FSTL4: variants seen among roughly 807,000 people sequenced by gnomAD.
The protein encoded by FSTL4 is follistatin-related protein 4.
FSTL4 carries 28 observed loss-of-function variants against 78.2 expected under a neutral mutation model. The ratio of observed to expected loss-of-function variants is 0.36; its 90% CI spans 0.27 to 0.49. The LOEUF (loss-of-function observed/expected upper bound fraction) is 0.49, where lower values mean the gene tolerates loss of function less well. Ranked by LOEUF, FSTL4 falls within the 20% of genes least tolerant of loss-of-function variation. The pLI is 0.98. For missense variants in FSTL4, 922 were observed against 1,084.9 expected, an observed-to-expected ratio of 0.85 and a Z score of 2.11; for synonymous variants, 422 against 440.5, an observed-to-expected ratio of 0.96 and a Z score of 0.53.
intron 7 of FSTL4, among the ~76,000 whole-genome samples, chr5:133,242,484 G>A (rs1751903558): frequency 6.6e-6 from 1 of 152,132 alleles, no homozygotes; most frequent in African/African-American, 2.4e-5. Context: ...CCTTGGAGAT[G>A]GGGCCGGAAG....
intron 15 of FSTL4, among the ~76,000 whole-genome samples, chr5:133,201,478 T>G (rs1294717413): frequency 1.3e-5 from 2 of 152,180 alleles, no homozygotes; most frequent in Non-Finnish European, 2.9e-5. Flanking sequence ...AAACAAGACT[T>G]GGCTTTACAT....
At chr5:133,232,370 A>G (rs1163402874) in intron 8 of FSTL4, among the ~76,000 whole-genome samples, 1 of 152,210 alleles carries the variant, frequency 6.6e-6, no homozygotes, top group African/African-American at 2.4e-5. Flanking sequence ...TCCAGGGAGA[A>G]GCAGCCTATA....
At chr5:133,512,672 T>C (rs1180939366) in intron 3 of FSTL4, among the ~76,000 whole-genome samples, 2 of 152,210 alleles carry the variant, frequency 1.3e-5, no homozygotes, top group Admixed American at 1.3e-4. Context: ...GATAAATGTG[T>C]ACCTTCACAC....
the FSTL4 span, among the ~76,000 whole-genome samples, chr5:133,788,196 T>C: frequency 2.0e-5 from 3 of 152,102 alleles, no homozygotes; most frequent in African/African-American, 7.2e-5. Flanking sequence ...GATGGGGAGA[T>C]CAGAAGCACG....
At chr5:133,399,871 C>T (rs1023767009) in intron 4 of FSTL4, among the ~76,000 whole-genome samples, 5 of 152,212 alleles carry the variant, frequency 3.3e-5, no homozygotes, top group African/African-American at 1.2e-4. Flanking sequence ...CTACACACTT[C>T]CTAATTCATG....
the FSTL4 span, among the ~76,000 whole-genome samples, chr5:133,810,284 G>A: frequency 6.6e-6 from 1 of 152,212 alleles, no homozygotes; most frequent in Non-Finnish European, 1.5e-5. Flanking sequence ...GAATCCTCCA[G>A]TTCTTCTGGC....
chr5:133,291,907 C>T (rs1753272225), intron 6 of FSTL4, among the ~76,000 whole-genome samples: 1 of 152,170 alleles, frequency 6.6e-6, no homozygotes, highest in African/African-American at 2.4e-5. Flanking sequence ...CCATAGGGTA[C>T]ATGTTTTAAT....
At chr5:133,646,812 C>G in the FSTL4 span, among the ~76,000 whole-genome samples, 3 of 152,024 alleles carry the variant, frequency 2.0e-5, no homozygotes, top group Non-Finnish European at 4.4e-5. Context: ...GAGGAAGACC[C>G]AAGAGAACGA....
chr5:133,790,629 G>C, the FSTL4 span, among the ~76,000 whole-genome samples: 43 of 152,134 alleles, frequency 2.8e-4, no homozygotes, highest in African/African-American at 1.0e-3. Flanking sequence ...TCTCCACACA[G>C]ATGTCAACAG....
At chr5:133,317,502 G>T (rs759071274) in intron 4 of FSTL4, among the ~76,000 whole-genome samples, 3 of 152,226 alleles carry the variant, frequency 2.0e-5, no homozygotes, top group African/African-American at 4.8e-5. Context: ...TGGAGAATAC[G>T]CATGGGCTCC....
the FSTL4 span, among the ~76,000 whole-genome samples, chr5:133,736,957 G>A: frequency 3.1e-3 from 464 of 152,102 alleles, 2 homozygotes; most frequent in Non-Finnish European, 4.4e-3. Flanking sequence ...GTACATAGTA[G>A]GTATATATAT....
intron 3 of FSTL4, among the ~76,000 whole-genome samples, chr5:133,454,361 C>T (rs1757441018): frequency 6.6e-6 from 1 of 152,158 alleles, no homozygotes; most frequent in Non-Finnish European, 1.5e-5. Context: ...AAAAATGAAA[C>T]TTGGCAAGGA....
At chr5:133,732,828 A>G in the FSTL4 span, among the ~76,000 whole-genome samples, 19 of 152,264 alleles carry the variant, frequency 1.2e-4, no homozygotes, top group African/African-American at 4.6e-4. Context: ...GCTACCCCTG[A>G]TGAAGGGGCC....
chr5:133,700,332 G>A, the FSTL4 span, among the ~76,000 whole-genome samples: 2 of 119,920 alleles, frequency 1.7e-5, no homozygotes, highest in Admixed American at 1.7e-4. Flanking sequence ...CATCACACCA[G>A]ACCACCACAC....
At position 133,316,531 on chromosome 5, in the gene FSTL4, G is replaced by C. The variant is rs148727806; in HGVS notation, c.531C>G (p.Leu177=). Reference sequence around the variant, plus strand: ...AGTCCCTGAACAGAGATTCCACCAGGAGGCGCTTCTGGGAGGCAGGGTCTT... The same window carrying C: ...AGTCCCTGAACAGAGATTCCACCAGCAGGCGCTTCTGGGAGGCAGGGTCTT... ...SRQDPASQKR[L]LVESLFRDLD... Residue 177 remains leucine, a synonymous_variant, in exon 5 of 16, where the codon CTC becomes CTG. Coordinates refer to ENST00000265342, the MANE Select transcript of FSTL4 (RefSeq NM_015082.2). 6 of 1,614,120 alleles carry C rather than the reference G, an allele frequency of 3.7e-6. No individual in the cohort carries two copies. In the African/African-American group the frequency reaches 8.0e-5, roughly 22 times the overall value.
the FSTL4 span, among the ~76,000 whole-genome samples, chr5:133,631,925 A>G: frequency 6.6e-6 from 1 of 151,986 alleles, no homozygotes; most frequent in African/African-American, 2.4e-5. Flanking sequence ...GCATGTTCTC[A>G]CTCATAAGTG....
chr5:133,375,291 C>CATATATATATATATATATATATATT (rs3975738), intron 4 of FSTL4, among the ~76,000 whole-genome samples: 2 of 57,918 alleles, frequency 3.5e-5, no homozygotes, highest in Non-Finnish European at 9.2e-5. Flanking sequence ...GTGTGCATGG[C>CATATATATATATATATATATATATT]ATATATATAT....
At position 133,199,069 on chromosome 5, in the gene FSTL4, T is replaced by C. The variant is rs779117842; in HGVS notation, c.*26A>G. ...AGTGTCAGGACTAGGGGGTGTTCCT[T>C]GGCCCAGGGCTCTGCTCTGGGCCCT... On this transcript the variant is annotated 3_prime_UTR_variant, in exon 16 of 16. Coordinates refer to ENST00000265342, the MANE Select transcript of FSTL4 (RefSeq NM_015082.2). This position sits in a 1 kb window ranked among gnomAD's most constrained non-coding sequence, Gnocchi z 4.4. The C allele has an allele frequency of 7.1e-6, 10 of 1,406,210 alleles. No homozygotes were observed. The allele number at this position is 1,406,210 out of a possible 1,614,324, so 87.1% of individuals were successfully genotyped here. A position where few individuals can be genotyped will look rare whatever the true frequency, so the allele number is the denominator to read the frequency against.
chr5:133,223,535 C>A (rs548933508), intron 11 of FSTL4, among the ~76,000 whole-genome samples: 124 of 152,300 alleles, frequency 8.1e-4, no homozygotes, highest in African/African-American at 3.0e-3. Context: ...ACAGTGGGGA[C>A]TGGGACCCGG....
Sources: allele counts gnomAD v4.1 joint callset (sites outside exome capture counted in the v4.1 genomes callset), GRCh38; gene constraint gnomAD v4.1.1; non-coding constraint Gnocchi (gnomAD v3.1); transcripts MANE v1.5; gene names NCBI Gene and HGNC (gene_info 2026-07-23, HGNC 2026-07-21).